The following DST variants were observed in gnomAD, a reference collection of about 807,000 sequenced individuals.
DST encodes the protein dystonin, also known as bullous pemphigoid antigen.
A neutral mutation model predicts 875.2 loss-of-function variants in DST; 253 were observed. That is an observed-to-expected ratio of 0.29 (90% CI 0.26 to 0.32). The LOEUF is 0.32. Ranked by LOEUF, DST falls within the 10% of genes least tolerant of loss-of-function variation. The pLI, the probability that DST is intolerant of heterozygous loss-of-function variation, is 1.00. For synonymous variants in DST, 3,124 were observed against 3,197.1 expected, an observed-to-expected ratio of 0.98 and a Z score of 0.77; for missense variants, 8,287 against 9,111.6, an observed-to-expected ratio of 0.91 and a Z score of 3.68.
intron 49 of DST, among the ~76,000 whole-genome samples, chr6:56,586,217 T>A (rs1345252199): frequency 1.3e-5 from 2 of 150,948 alleles, no homozygotes; most frequent in Non-Finnish European, 3.0e-5. Flanking sequence ...CCCATTATTA[T>A]TGTGTGGGAG....
chr6:56,492,170 CA>C, intron 85 of DST, 56 bp downstream of exon 85: 3 of 1,429,606 alleles, frequency 2.1e-6, no homozygotes, highest in Non-Finnish European at 2.9e-6. Flanking sequence ...ACATATATTT[CA>C]ACAGCAAGAA....
intron 36 of DST, chr6:56,620,342 A>G (rs1369373608): frequency 6.2e-7 from 1 of 1,614,076 alleles, no homozygotes; most frequent in African/African-American, 1.3e-5. Context: ...GTTCTCTTCC[A>G]CGGCAGCTCT....
intron 36 of DST, chr6:56,617,290 C>A: frequency 6.2e-7 from 1 of 1,613,344 alleles, no homozygotes; most frequent in Non-Finnish European, 8.5e-7. Flanking sequence ...TAAGGAAATC[C>A]CCTTTCTTGA....
intron 5 of DST, among the ~76,000 whole-genome samples, chr6:56,719,443 C>T (rs2099406518): frequency 1.3e-5 from 2 of 152,114 alleles, no homozygotes; most frequent in Admixed American, 1.3e-4. Flanking sequence ...CAAAAGGTTA[C>T]CAAGTGGTCT....
intron 84 of DST, among the ~76,000 whole-genome samples, chr6:56,492,645 G>A (rs539854636): frequency 1.7e-4 from 26 of 152,174 alleles, no homozygotes; most frequent in African/African-American, 6.0e-4. Context: ...TGAGGTGGGT[G>A]GATCACTTGA....
chr6:56,751,180 A>G lies in DST; in HGVS notation c.626-15891T>C, dbSNP rs557869634. ...TGTTAATAGTCAATATTTTTTAGCT[A>G]TTATTATTAGCTACTAGTAGAAAAA... On this transcript the variant is annotated intron_variant, in intron 4 of 103. Coordinates refer to ENST00000680361, the MANE Select transcript of DST (RefSeq NM_001374736.1). Among the ~76,000 whole-genome samples the G allele has an allele frequency of 2.6e-5, 4 of 152,276 alleles. No individual in the cohort carries two copies. In the South Asian group the frequency reaches 8.3e-4, roughly 32 times the overall value.
chr6:56,571,039 C>G (rs1332594145), intron 53 of DST, among the ~76,000 whole-genome samples: 2 of 152,154 alleles, frequency 1.3e-5, no homozygotes, highest in Admixed American at 1.3e-4. Flanking sequence ...AACCTAGTGA[C>G]TAGAGAATTT....
chr6:56,763,301 A>G (rs1225495450), intron 4 of DST, among the ~76,000 whole-genome samples: 1 of 152,090 alleles, frequency 6.6e-6, no homozygotes, highest in East Asian at 1.9e-4. Flanking sequence ...CTTACCTAAT[A>G]AGTCAAAGCG....
chr6:56,744,852 G>C (rs1160398134), intron 4 of DST, among the ~76,000 whole-genome samples: 1 of 152,146 alleles, frequency 6.6e-6, no homozygotes, highest in East Asian at 1.9e-4. Context: ...ATGGGTAATA[G>C]GAAAAAGTCC....
chr6:56,684,983 C>T (rs914625337), intron 9 of DST, among the ~76,000 whole-genome samples: 1 of 137,368 alleles, frequency 7.3e-6, no homozygotes, highest in African/African-American at 2.7e-5. Flanking sequence ...AACCAACAGC[C>T]CCCACCCACC....
At position 56,650,945 on chromosome 6, in the gene DST, C is replaced by G. The variant is rs751514469; in HGVS notation, c.1415G>C (p.Gly472Ala). ...ACTCACATTTGCACCAATGCCTTCC[C>G]CACCTTCAGGGACTTTAGGAAATGC... is the stretch of plus-strand genomic sequence containing the variant. ...YDAFPKVPEGGEGIGANDVEV... is the reference protein window; with the variant it reads ...YDAFPKVPEGAEGIGANDVEV... Residue 472 changes from glycine (G) to alanine (A), a missense_variant, in exon 12 of 104, where the codon GGG becomes GCG. By Grantham distance (60) the Gly-to-Ala change is moderately conservative. Coordinates refer to ENST00000680361, the MANE Select transcript of DST (RefSeq NM_001374736.1). The G allele has an allele frequency of 6.2e-7, 1 of 1,611,944 alleles. No individual in the cohort carries two copies. The highest frequency in any genetic ancestry group is 8.5e-7 in the Non-Finnish European group (1 of 1,178,440).
chr6:56,720,262 G>C (rs934960927), intron 5 of DST, among the ~76,000 whole-genome samples: 3 of 151,742 alleles, frequency 2.0e-5, no homozygotes. Context: ...TGAAAGAAGA[G>C]AAATAGGCTC....
intron 90 of DST, among the ~76,000 whole-genome samples, chr6:56,478,441 C>T (rs1005183105): frequency 9.2e-5 from 14 of 152,284 alleles, no homozygotes; most frequent in Admixed American, 7.8e-4. Flanking sequence ...CAGTTCTAGC[C>T]AGTCTCTGCC....
chr6:56,606,009 T>C lies in DST; in HGVS notation c.8619A>G (p.Gln2873=), dbSNP rs2098493364. ...ATGCTAGCTGTACAACATTTACCCT[T>C]TGCTGTTTTTCTAAAGAGCTACAAC... ...MHSCSSLEKQ[Q]RVNVVQLASP... is the part of the protein sequence containing the mutation. The change falls in exon 40 of 104, where the codon CAA becomes CAG. Residue 2873 remains glutamine (Q), a synonymous_variant. Transcript: ENST00000680361. 3 of 1,612,830 alleles carry C rather than the reference T, an allele frequency of 1.9e-6. No individual in the cohort carries two copies. The highest frequency in any genetic ancestry group is 2.5e-6 in the Non-Finnish European group (3 of 1,179,204).
At chr6:56,591,990 A>G (rs2098282669) in intron 49 of DST, among the ~76,000 whole-genome samples, 192 bp downstream of exon 49, 1 of 151,762 alleles carries the variant, frequency 6.6e-6, no homozygotes, top group African/African-American at 2.4e-5. Context: ...TCAAAAAAAA[A>G]AAAAAAAAAA....
At chr6:56,592,783 G>A (rs1277130382) in intron 48 of DST, among the ~76,000 whole-genome samples, 2 of 151,952 alleles carry the variant, frequency 1.3e-5, no homozygotes, top group Non-Finnish European at 2.9e-5. Context: ...TATTAGAATG[G>A]AGCAAAGTCC....
Position 56,498,098 on chromosome 6 carries a change from T to C in DST, c.19897-45A>G, listed in dbSNP as rs183705290. The stretch of plus-strand genomic sequence containing the variant: ...ACCATGTTTGCTAGTTTGTAACATG[T>C]TAATATCATCTTTAATGCAATTGTT... On this transcript the variant is annotated intron_variant, in intron 80 of 103. Coordinates refer to ENST00000680361, the MANE Select transcript of DST (RefSeq NM_001374736.1). The C allele has an allele frequency of 4.6e-6, 7 of 1,525,094 alleles. No homozygotes were observed. In the Admixed American group the frequency reaches 1.1e-4, roughly 23 times the overall value. 94.5% of individuals were successfully genotyped at this position (1,525,094 alleles called of 1,614,324 possible).
intron 5 of DST, among the ~76,000 whole-genome samples, chr6:56,730,188 C>T (rs961201710): frequency 6.6e-6 from 1 of 152,018 alleles, no homozygotes; most frequent in Admixed American, 6.6e-5. Context: ...ATTATATAGA[C>T]TTCTCTGGAC....
chr6:56,663,167 T>C (rs746984519), intron 10 of DST, among the ~76,000 whole-genome samples: 4 of 152,176 alleles, frequency 2.6e-5, no homozygotes, highest in Non-Finnish European at 5.9e-5. Context: ...ATAAAAATGG[T>C]CACCAGATGT....
Sources: allele counts gnomAD v4.1 joint callset (sites outside exome capture counted in the v4.1 genomes callset), GRCh38; gene constraint gnomAD v4.1.1; transcripts MANE v1.5; gene names NCBI Gene and HGNC (gene_info 2026-07-23, HGNC 2026-07-21).